The following BBX variants were observed in gnomAD, a reference collection of about 807,000 sequenced individuals.
The protein encoded by BBX is HMG box transcription factor BBX.
BBX carries 30 observed loss-of-function variants against 100.2 expected under a neutral mutation model. That is an observed-to-expected ratio of 0.30 (90% CI 0.22 to 0.41). The LOEUF (loss-of-function observed/expected upper bound fraction) is 0.41. Ranked by LOEUF, BBX falls within the 10% of genes least tolerant of loss-of-function variation. The probability of loss-of-function intolerance (pLI) is 1.00; values close to 1 mark genes in which losing one functional copy is unlikely to be tolerated. For missense variants in BBX, 1,023 were observed against 1,129.8 expected, an observed-to-expected ratio of 0.91 and a Z score of 1.35; for synonymous variants, 376 against 388.1, an observed-to-expected ratio of 0.97 and a Z score of 0.37.
chr3:107,733,059 A>T, intron 7 of BBX, 36 bp downstream of exon 7: 1 of 1,591,050 alleles, frequency 6.3e-7, no homozygotes, highest in Admixed American at 1.7e-5. Flanking sequence ...CTCTGCTCAT[A>T]CTGTGGGTTG....
intron 7 of BBX, among the ~76,000 whole-genome samples, chr3:107,741,662 G>T (rs2064121626): frequency 6.6e-6 from 1 of 152,028 alleles, no homozygotes; most frequent in Non-Finnish European, 1.5e-5. Flanking sequence ...TCTAGCATAG[G>T]AATAGATATT....
At chr3:107,683,546 C>T (rs952897885) in intron 3 of BBX, among the ~76,000 whole-genome samples, 2 of 152,088 alleles carry the variant, frequency 1.3e-5, no homozygotes, top group African/African-American at 2.4e-5. Flanking sequence ...TTTAGATTGT[C>T]GTTCTTTTAT....
intron 10 of BBX, among the ~76,000 whole-genome samples, chr3:107,757,847 G>T (rs1236015238): frequency 6.6e-6 from 1 of 152,082 alleles, no homozygotes; most frequent in Non-Finnish European, 1.5e-5. Flanking sequence ...GCCTAGAATT[G>T]GTGATGGTGT....
intron 3 of BBX, among the ~76,000 whole-genome samples, chr3:107,706,022 C>CT (rs35648451): frequency 0.4 from 52,107 of 128,820 alleles, 11,646 homozygotes; most frequent in East Asian, 0.9. Flanking sequence ...GAGCTTGCTA[C>CT]TTTTTTTTTT....
chr3:107,746,013 T>G (rs2064563005), intron 8 of BBX, among the ~76,000 whole-genome samples: 1 of 152,156 alleles, frequency 6.6e-6, no homozygotes, highest in Non-Finnish European at 1.5e-5. Context: ...ATTTATGTTA[T>G]TAATTGAAAT....
intron 2 of BBX, among the ~76,000 whole-genome samples, chr3:107,637,343 C>G (rs1317596746): frequency 6.6e-6 from 1 of 152,194 alleles, no homozygotes; most frequent in Non-Finnish European, 1.5e-5. Flanking sequence ...AACTTAGGCC[C>G]TGGTTTTACC....
intron 2 of BBX, among the ~76,000 whole-genome samples, chr3:107,555,457 T>C (rs1411285177): frequency 1.3e-5 from 2 of 152,184 alleles, no homozygotes; most frequent in Non-Finnish European, 2.9e-5. Context: ...TTGTTAACTT[T>C]TCAAGAAGAC....
At chr3:107,620,081 A>G (rs1452447756) in intron 2 of BBX, among the ~76,000 whole-genome samples, 2 of 151,658 alleles carry the variant, frequency 1.3e-5, no homozygotes, top group Non-Finnish European at 2.9e-5. Context: ...TTTTTTCAAT[A>G]TATTTTCTTT....
chr3:107,566,046 A>T (rs1185196800), intron 2 of BBX, among the ~76,000 whole-genome samples: 1 of 151,628 alleles, frequency 6.6e-6, no homozygotes, highest in Non-Finnish European at 1.5e-5. Flanking sequence ...ATGGTGGTGG[A>T]TGCCTGTAAT....
chr3:107,744,549 G>T (rs368275155), intron 7 of BBX, 81 bp from the exon 8 acceptor site: 4 of 1,023,708 alleles, frequency 3.9e-6, no homozygotes, highest in Non-Finnish European at 6.0e-6. Context: ...AATAAAGATC[G>T]CAAATGAAGA....
In BBX at chr3:107,679,994, C is replaced by T. The variant is rs1363326414; in HGVS notation, c.-9-30458C>T. On this transcript the variant is annotated intron_variant, in intron 3 of 17. Transcript: ENST00000325805. ...GCAATGAACAGCTTCAGTAAGAAAG[C>T]AGGGTCTGAGTCCCTGGGATCAGGG... Among the ~76,000 whole-genome samples the T allele has an allele frequency of 2.6e-5, 4 of 152,130 alleles. No individual in the cohort carries two copies. In the East Asian group the frequency reaches 5.8e-4, roughly 22 times the overall value.
chr3:107,710,404 T>C lies in BBX; in HGVS notation c.-9-48T>C, dbSNP rs1306439980. ...TTACTTTGATTTATCTCGGTGTCTC[T>C]CTTTCTCTCCCTGTTTCCCTGTTTC... is the stretch of plus-strand genomic sequence containing the variant. On this transcript the variant is annotated intron_variant, in intron 3 of 17. Transcript: ENST00000325805. 1.5e-5 allele frequency: 22 copies of C among 1,468,434 alleles called. No individual in the cohort carries two copies. The Admixed American group carries it at 2.1e-4, about 14-fold the overall frequency. The allele number at this position is 1,468,434 out of a possible 1,614,324, so 91.0% of individuals were successfully genotyped here.
At chr3:107,625,181 G>A (rs1351061731) in intron 2 of BBX, among the ~76,000 whole-genome samples, 1 of 151,998 alleles carries the variant, frequency 6.6e-6, no homozygotes, top group Admixed American at 6.6e-5. Context: ...CCTCTATTCT[G>A]TAATTTTATA....
intron 5 of BBX, among the ~76,000 whole-genome samples, chr3:107,727,229 C>G (rs535506176): frequency 1.2e-4 from 19 of 152,196 alleles, no homozygotes; most frequent in African/African-American, 4.6e-4. Flanking sequence ...GGCCCGTGTG[C>G]TTTTACTGGG....
At chr3:107,635,799 G>A (rs1008064679) in intron 2 of BBX, among the ~76,000 whole-genome samples, 9 of 149,980 alleles carry the variant, frequency 6.0e-5, no homozygotes, top group African/African-American at 2.0e-4. Context: ...TGCAAGCTCC[G>A]CCTCCTGGTT....
At chr3:107,756,749 G>A (rs562076236) in intron 10 of BBX, among the ~76,000 whole-genome samples, 11 of 152,236 alleles carry the variant, frequency 7.2e-5, no homozygotes, top group Non-Finnish European at 1.0e-4. Flanking sequence ...TCTTGTGTAA[G>A]ACAAGTTGAG....
chr3:107,763,284 G>A (rs1430589313), intron 10 of BBX, among the ~76,000 whole-genome samples: 2 of 151,046 alleles, frequency 1.3e-5, no homozygotes, highest in African/African-American at 2.4e-5. Context: ...GAGTGCGGTG[G>A]CGCGATCTCG....
At chr3:107,647,238 A>G (rs984544552) in intron 3 of BBX, among the ~76,000 whole-genome samples, 1 of 152,192 alleles carries the variant, frequency 6.6e-6, no homozygotes, top group African/African-American at 2.4e-5. Flanking sequence ...AATCTAAAAG[A>G]GAGTTGAGTA....
At chr3:107,691,239 G>A (rs910025430) in intron 3 of BBX, among the ~76,000 whole-genome samples, 1 of 152,140 alleles carries the variant, frequency 6.6e-6, no homozygotes, top group Admixed American at 6.6e-5. Context: ...GAAAAAAGGC[G>A]AGCAAATAAT....
Sources: allele counts gnomAD v4.1 joint callset (sites outside exome capture counted in the v4.1 genomes callset), GRCh38; gene constraint gnomAD v4.1.1; transcripts MANE v1.5; gene names NCBI Gene and HGNC (gene_info 2026-07-23, HGNC 2026-07-21).